The following XKR9 variants were observed in gnomAD, a reference collection of about 807,000 sequenced individuals.
XKR9 encodes the protein XK related 9, also known as XK-related protein 9.
XKR9 carries 32 observed loss-of-function variants against 32.0 expected under a neutral mutation model. That is an observed-to-expected ratio of 1.00 (90% confidence interval 0.76 to 1.34). The LOEUF (loss-of-function observed/expected upper bound fraction) is 1.34, where lower values mean the gene tolerates loss of function less well. XKR9 is among the 40% of genes most tolerant of loss of function. The pLI is 0.00. For synonymous variants in XKR9, 168 were observed against 143.4 expected, an observed-to-expected ratio of 1.17 and a Z score of -1.22; for missense variants, 546 against 429.7, an observed-to-expected ratio of 1.27 and a Z score of -2.39.
the XKR9 span, among the ~76,000 whole-genome samples, chr8:70,926,302 C>T: frequency 6.6e-6 from 1 of 152,172 alleles, no homozygotes; most frequent in Non-Finnish European, 1.5e-5. Flanking sequence ...AACTTCTGAC[C>T]TCAAGTGATC....
At chr8:71,037,572 C>G in the XKR9 span, among the ~76,000 whole-genome samples, 2 of 152,144 alleles carry the variant, frequency 1.3e-5, 1 homozygote. Context: ...AAATATATTA[C>G]CAAGTTAACA....
At chr8:70,749,299 A>G (rs1314561227) in intron 2 of XKR9, among the ~76,000 whole-genome samples, 2 of 152,228 alleles carry the variant, frequency 1.3e-5, no homozygotes, top group South Asian at 4.1e-4. Context: ...CATGCCTGCC[A>G]CATTGTGGGT....
intron 2 of XKR9, among the ~76,000 whole-genome samples, chr8:70,771,740 A>G (rs559873220): frequency 6.6e-6 from 1 of 152,164 alleles, no homozygotes; most frequent in South Asian, 2.1e-4. Flanking sequence ...AACTCTGTCC[A>G]CTAATGATAT....
chr8:70,749,880 C>T (rs919958810), intron 2 of XKR9, among the ~76,000 whole-genome samples: 1 of 152,130 alleles, frequency 6.6e-6, no homozygotes, highest in Admixed American at 6.5e-5. Flanking sequence ...TAGACTGTTG[C>T]ATGTTGTGTT....
At chr8:70,749,016 C>T (rs867884789) in intron 2 of XKR9, among the ~76,000 whole-genome samples, 3 of 152,162 alleles carry the variant, frequency 2.0e-5, no homozygotes, top group African/African-American at 7.2e-5. Flanking sequence ...GGACAACCTG[C>T]CTGTGGAAAG....
At chr8:70,804,995 T>G in the XKR9 span, among the ~76,000 whole-genome samples, 4 of 152,212 alleles carry the variant, frequency 2.6e-5, no homozygotes, top group Non-Finnish European at 5.9e-5. Flanking sequence ...GAGGCCAAGA[T>G]CGCAGACTAG....
At chr8:70,794,301 A>G (rs1807801194), downstream of XKR9, among the ~76,000 whole-genome samples, 1 of 151,938 alleles carries the variant, frequency 6.6e-6, no homozygotes, top group South Asian at 2.1e-4. Context: ...CTACCTATAG[A>G]GATAGTTTTA....
chr8:70,775,712 G>T (rs967273508), intron 2 of XKR9, among the ~76,000 whole-genome samples: 1 of 150,872 alleles, frequency 6.6e-6, no homozygotes, highest in Admixed American at 6.6e-5. Context: ...TTTTATTAAA[G>T]ATTTTTGCCT....
chr8:70,935,866 A>G, the XKR9 span, among the ~76,000 whole-genome samples: 4 of 152,056 alleles, frequency 2.6e-5, no homozygotes, highest in Non-Finnish European at 4.4e-5. Context: ...AACAATTTTC[A>G]TCTTTATTGC....
At chr8:70,989,721 T>C in the XKR9 span, among the ~76,000 whole-genome samples, 4 of 152,188 alleles carry the variant, frequency 2.6e-5, no homozygotes, top group African/African-American at 9.7e-5. Context: ...GTTTTTAAGT[T>C]GACAATTAAA....
the XKR9 span, among the ~76,000 whole-genome samples, chr8:71,065,212 C>T: frequency 6.6e-6 from 1 of 152,066 alleles, no homozygotes; most frequent in Non-Finnish European, 1.5e-5. Flanking sequence ...GAGTCCTAAC[C>T]CCCAATGTGA....
the XKR9 span, among the ~76,000 whole-genome samples, chr8:71,023,248 G>A: frequency 6.6e-6 from 1 of 152,040 alleles, no homozygotes; most frequent in Non-Finnish European, 1.5e-5. Flanking sequence ...CCAATTTTTT[G>A]GATTGGCTTG....
chr8:71,044,597 A>C, the XKR9 span, among the ~76,000 whole-genome samples: 16 of 152,234 alleles, frequency 1.1e-4, no homozygotes, highest in African/African-American at 3.9e-4. Flanking sequence ...TAACATTGCA[A>C]ATGCTTTAAG....
chr8:70,805,664 C>T, the XKR9 span, among the ~76,000 whole-genome samples: 1 of 152,300 alleles, frequency 6.6e-6, no homozygotes, highest in Non-Finnish European at 1.5e-5. Flanking sequence ...CCTCTTCAGG[C>T]GTGACCCTGA....
intron 3 of XKR9, among the ~76,000 whole-genome samples, chr8:70,702,259 AT>A (rs1357512073): frequency 1.4e-4 from 21 of 152,204 alleles, no homozygotes; most frequent in African/African-American, 3.1e-4. Context: ...TTGGTTATTG[AT>A]TTCTCACTTA....
the XKR9 span, among the ~76,000 whole-genome samples, chr8:70,829,075 G>C: frequency 6.6e-6 from 1 of 152,086 alleles, no homozygotes; most frequent in Non-Finnish European, 1.5e-5. Flanking sequence ...CATTTCTTTG[G>C]CCTTTATTGT....
At chr8:70,865,789 G>T in the XKR9 span, among the ~76,000 whole-genome samples, 4 of 152,176 alleles carry the variant, frequency 2.6e-5, no homozygotes, top group Non-Finnish European at 5.9e-5. Flanking sequence ...TGAAAGTGTG[G>T]TGTCCAGAAC....
chr8:70,723,481 G>A (rs975932347), intron 4 of XKR9, among the ~76,000 whole-genome samples: 1 of 152,202 alleles, frequency 6.6e-6, no homozygotes, highest in Non-Finnish European at 1.5e-5. Flanking sequence ...ACCTTTGGAT[G>A]TGGTTTTTGG....
chr8:71,008,278 T>C, the XKR9 span, among the ~76,000 whole-genome samples: 3 of 152,126 alleles, frequency 2.0e-5, no homozygotes, highest in Admixed American at 2.0e-4. Context: ...ATTTTTAGGG[T>C]CCTGGCTCCT....
Sources: allele counts gnomAD v4.1 joint callset (sites outside exome capture counted in the v4.1 genomes callset), GRCh38; gene constraint gnomAD v4.1.1; transcripts MANE v1.5; gene names NCBI Gene and HGNC (gene_info 2026-07-23, HGNC 2026-07-21).